The following ENTREP2 variants were observed in gnomAD, a reference collection of about 807,000 sequenced individuals.
ENTREP2 encodes the protein protein ENTREP2.
the ENTREP2 span, among the ~76,000 whole-genome samples, chr15:29,523,155 G>T: frequency 9.9e-5 from 15 of 152,280 alleles, no homozygotes; most frequent in African/African-American, 3.6e-4. Context: ...CTGCCTGCCT[G>T]GCTGAGTAGT....
the ENTREP2 span, chr15:29,151,976 C>T: frequency 1.5e-6 from 1 of 673,882 alleles, no homozygotes; most frequent in Non-Finnish European, 2.6e-6. Context: ...TTGTGTGTGT[C>T]TGTGTTTTCC....
chr15:29,463,074 T>C, the ENTREP2 span, among the ~76,000 whole-genome samples: 7 of 152,010 alleles, frequency 4.6e-5, no homozygotes, highest in South Asian at 2.1e-4. Context: ...AGCCTTAACA[T>C]GGACATAGGA....
At chr15:29,350,825 G>A in the ENTREP2 span, among the ~76,000 whole-genome samples, 1 of 152,074 alleles carries the variant, frequency 6.6e-6, no homozygotes, top group East Asian at 1.9e-4. Context: ...CGCCTGTAAT[G>A]CCAGCTACTT....
chr15:29,143,335 T>C, the ENTREP2 span, among the ~76,000 whole-genome samples: 1 of 152,172 alleles, frequency 6.6e-6, no homozygotes, highest in Non-Finnish European at 1.5e-5. Flanking sequence ...TCAATCACAA[T>C]AGAAATCACA....
At chr15:29,282,365 G>A in the ENTREP2 span, among the ~76,000 whole-genome samples, 2 of 152,186 alleles carry the variant, frequency 1.3e-5, no homozygotes, top group Non-Finnish European at 1.5e-5. Context: ...CCCCAGCCAC[G>A]TGAAACTGTG....
the ENTREP2 span, among the ~76,000 whole-genome samples, chr15:29,671,902 T>C: frequency 1.3e-5 from 2 of 152,200 alleles, no homozygotes; most frequent in African/African-American, 4.8e-5. Flanking sequence ...GAATTCCACC[T>C]ACAGTGGCAC....
the ENTREP2 span, among the ~76,000 whole-genome samples, chr15:29,330,323 C>T: frequency 3.5e-3 from 527 of 151,484 alleles, 2 homozygotes; most frequent in African/African-American, 0.012. Context: ...GTGGCATGAG[C>T]GTGTAGTCCC....
At chr15:29,330,268 C>T in the ENTREP2 span, among the ~76,000 whole-genome samples, 10 of 150,370 alleles carry the variant, frequency 6.7e-5, no homozygotes, top group African/African-American at 2.5e-4. Context: ...GAAACCCGGC[C>T]TCTACTAAAA....
At chr15:29,379,154 C>CT in the ENTREP2 span, among the ~76,000 whole-genome samples, 2 of 152,218 alleles carry the variant, frequency 1.3e-5, no homozygotes, top group Non-Finnish European at 2.9e-5. Context: ...CTAGATGGGC[C>CT]TCATGACAGG....
chr15:29,174,405 A>G, the ENTREP2 span, among the ~76,000 whole-genome samples: 1 of 152,252 alleles, frequency 6.6e-6, no homozygotes, highest in Non-Finnish European at 1.5e-5. Context: ...AACTAGAAAC[A>G]CGGCCAGGCA....
At chr15:29,313,104 C>T in the ENTREP2 span, among the ~76,000 whole-genome samples, 2 of 152,274 alleles carry the variant, frequency 1.3e-5, no homozygotes, top group Admixed American at 6.5e-5. Context: ...CAGCAAGGCC[C>T]GAACTCTCTT....
chr15:29,192,164 T>C, the ENTREP2 span, among the ~76,000 whole-genome samples: 7 of 152,174 alleles, frequency 4.6e-5, no homozygotes, highest in African/African-American at 1.4e-4. Context: ...AATCTTACCA[T>C]GTAAAAGGAA....
the ENTREP2 span, among the ~76,000 whole-genome samples, chr15:29,258,411 C>T: frequency 6.6e-6 from 1 of 151,848 alleles, no homozygotes; most frequent in African/African-American, 2.4e-5. Flanking sequence ...CAAGAGACTA[C>T]CCTGAGACTT....
chr15:29,212,120 T>C, the ENTREP2 span, among the ~76,000 whole-genome samples: 1 of 152,098 alleles, frequency 6.6e-6, no homozygotes, highest in Non-Finnish European at 1.5e-5. Flanking sequence ...CTTTTTTTTG[T>C]TGGTAATTTT....
chr15:29,126,318 G>C, the ENTREP2 span: 4 of 1,513,320 alleles, frequency 2.6e-6, no homozygotes, highest in South Asian at 3.8e-5. Flanking sequence ...CGGGACACAC[G>C]CCCGGGACCT....
At chr15:29,268,954 C>A in the ENTREP2 span, 2 of 1,614,074 alleles carry the variant, frequency 1.2e-6, no homozygotes, top group African/African-American at 2.7e-5. Context: ...GGTTCGCGGG[C>A]CCCACTGGAA....
At chr15:29,515,718 G>A in the ENTREP2 span, among the ~76,000 whole-genome samples, 2 of 152,204 alleles carry the variant, frequency 1.3e-5, no homozygotes, top group African/African-American at 4.8e-5. Context: ...TGTTAAATGT[G>A]TGGTCATTTG....
the ENTREP2 span, among the ~76,000 whole-genome samples, chr15:29,444,693 C>T: frequency 2.6e-5 from 4 of 152,208 alleles, no homozygotes; most frequent in South Asian, 8.3e-4. Flanking sequence ...TCTCGAACTC[C>T]TGACCTTGTG....
At chr15:29,410,465 G>A in the ENTREP2 span, among the ~76,000 whole-genome samples, 5 of 151,940 alleles carry the variant, frequency 3.3e-5, no homozygotes, top group Non-Finnish European at 4.4e-5. Context: ...TTGAGGCGAC[G>A]GGTCTCGGGG....
Sources: gnomAD v4.1 joint callset for allele counts (sites outside exome capture counted in the v4.1 genomes callset) on GRCh38, gnomAD v4.1.1 for gene constraint, MANE v1.5 for transcripts, NCBI Gene and HGNC (gene_info 2026-07-23, HGNC 2026-07-21) for gene names.